NRG1: variants seen among roughly 807,000 people sequenced by gnomAD.
NRG1 encodes the protein neuregulin 1.
In NRG1, 18 loss-of-function variants were observed where a neutral mutation model predicts 63.8. The observed-to-expected ratio is 0.28, with a 90% CI of 0.19 to 0.42. The LOEUF (loss-of-function observed/expected upper bound fraction) is 0.42, where lower values mean the gene tolerates loss of function less well. NRG1 is among the 10% of genes least tolerant of loss of function. The pLI, the probability that NRG1 is intolerant of heterozygous loss-of-function variation, is 1.00. For synonymous variants in NRG1, 302 were observed against 301.3 expected, an observed-to-expected ratio of 1.00 and a Z score of -0.02; for missense variants, 762 against 814.7, an observed-to-expected ratio of 0.94 and a Z score of 0.79.
intron 1 of NRG1, among the ~76,000 whole-genome samples, chr8:32,526,903 C>T (rs923253960): frequency 6.6e-6 from 1 of 152,270 alleles, no homozygotes; most frequent in Non-Finnish European, 1.5e-5. Flanking sequence ...GTCTACAGGG[C>T]TCCATTTGTA....
exon 12 of NRG1, chr8:32,766,269 G>C (rs1477654763): frequency 6.6e-6 from 1 of 152,154 alleles, no homozygotes; most frequent in African/African-American, 2.4e-5. Flanking sequence ...GGTTCTTGAA[G>C]TTATTGTTAG....
chr8:32,065,353 C>G (rs985207530), intron 1 of NRG1, among the ~76,000 whole-genome samples: 1 of 152,148 alleles, frequency 6.6e-6, no homozygotes, highest in Non-Finnish European at 1.5e-5. Context: ...TCCCTTCCCC[C>G]TCCCACCACC....
At chr8:32,101,423 A>G (rs1041459847) in intron 1 of NRG1, among the ~76,000 whole-genome samples, 13 of 152,166 alleles carry the variant, frequency 8.5e-5, no homozygotes, top group African/African-American at 3.1e-4. Flanking sequence ...TGTTCCTTAA[A>G]GAACGAGAAG....
intron 5 of NRG1, among the ~76,000 whole-genome samples, chr8:32,698,811 C>A (rs1192333480): frequency 6.6e-6 from 1 of 152,148 alleles, no homozygotes; most frequent in African/African-American, 2.4e-5. Context: ...AACCACCCCC[C>A]ATAGAGCTGT....
Position 31,640,203 on chromosome 8 carries a change from G to C in NRG1, c.37+772G>C. The C allele has an allele frequency of 8.5e-7, 1 of 1,172,510 alleles. No individual in the cohort carries two copies. Among genetic ancestry groups the C allele is most frequent in the Non-Finnish European group, 1.1e-6 (1 of 948,478 alleles). The allele number at this position is 1,172,510 out of a possible 1,614,324, so 72.6% of individuals were successfully genotyped here. A position where few individuals can be genotyped will look rare whatever the true frequency, so the allele number is the denominator to read the frequency against. On this transcript the variant is annotated intron_variant, in intron 1 of 10. Coordinates refer to the NRG1 transcript ENST00000519301. This position sits in a 1 kb window ranked among gnomAD's most constrained non-coding sequence, Gnocchi z 6.3. ...CCCCGCCCAGCGTGGGATCGGTGCA[G>C]GAGCTAGCTCAGCGCGCCGCGGTGG...
chr8:31,799,758 G>A (rs141498934), intron 1 of NRG1, among the ~76,000 whole-genome samples: 76 of 151,842 alleles, frequency 5.0e-4, no homozygotes, highest in African/African-American at 9.9e-4. Flanking sequence ...ATATATACAC[G>A]TATGCATACA....
chr8:31,828,694 C>T (rs923268948), intron 1 of NRG1, among the ~76,000 whole-genome samples: 3 of 152,164 alleles, frequency 2.0e-5, no homozygotes, highest in African/African-American at 7.2e-5. Flanking sequence ...ACGTTATATA[C>T]CCATGATATT....
At chr8:31,959,908 C>T (rs1371839143) in intron 1 of NRG1, among the ~76,000 whole-genome samples, 2 of 151,782 alleles carry the variant, frequency 1.3e-5, no homozygotes, top group Non-Finnish European at 2.9e-5. Flanking sequence ...ATCCCTCCGC[C>T]TCAGCCTCCC....
intron 5 of NRG1, chr8:32,647,188 G>A (rs1046475757): frequency 4.4e-5 from 43 of 985,222 alleles, no homozygotes; most frequent in Admixed American, 6.1e-5. Context: ...CCGTCGTCGC[G>A]TTAACACAAC....
chr8:32,749,655 C>T, intron 7 of NRG1: 1 of 1,438,266 alleles, frequency 7.0e-7, no homozygotes, highest in Non-Finnish European at 9.6e-7. Flanking sequence ...TTTTCCCTTC[C>T]TACTCTTACC....
chr8:32,534,547 T>A (rs1831770411), intron 1 of NRG1, among the ~76,000 whole-genome samples: 1 of 152,158 alleles, frequency 6.6e-6, no homozygotes, highest in Non-Finnish European at 1.5e-5. Context: ...ACATGGAAAG[T>A]GTGATTGAAG....
intron 1 of NRG1, among the ~76,000 whole-genome samples, chr8:32,027,914 C>A (rs1817713240): frequency 6.6e-6 from 1 of 152,174 alleles, no homozygotes; most frequent in South Asian, 2.1e-4. Flanking sequence ...AGCAGCTAAA[C>A]TAAACTAACA....
At chr8:31,956,040 C>CAAAAAAAAA (rs11386219) in intron 1 of NRG1, among the ~76,000 whole-genome samples, 3 of 128,098 alleles carry the variant, frequency 2.3e-5, no homozygotes, top group African/African-American at 7.2e-5. Context: ...GAACCTGTCT[C>CAAAAAAAAA]AAAAAAAAAA....
chr8:32,534,805 G>A (rs1448044543), intron 1 of NRG1, among the ~76,000 whole-genome samples: 1 of 152,024 alleles, frequency 6.6e-6, no homozygotes, highest in East Asian at 1.9e-4. Flanking sequence ...TCTAAATTGG[G>A]CTCATTATAT....
At chr8:32,682,808 CTTAGT>C (rs1434698327) in intron 5 of NRG1, among the ~76,000 whole-genome samples, 6 of 152,102 alleles carry the variant, frequency 3.9e-5, no homozygotes, top group African/African-American at 7.2e-5. Flanking sequence ...TGCATAATAA[CTTAGT>C]TTAGAGTAAG....
intron 1 of NRG1, among the ~76,000 whole-genome samples, chr8:32,148,958 T>C (rs1837201845): frequency 6.6e-6 from 1 of 152,198 alleles, no homozygotes; most frequent in African/African-American, 2.4e-5. Flanking sequence ...ATTGGGCATC[T>C]ATCATCCAGG....
intron 1 of NRG1, among the ~76,000 whole-genome samples, chr8:31,799,327 T>A (rs1033193952): frequency 3.9e-5 from 6 of 152,148 alleles, no homozygotes; most frequent in Non-Finnish European, 8.8e-5. Context: ...TGATCAGTTT[T>A]AGGCGATACT....
intron 1 of NRG1, among the ~76,000 whole-genome samples, chr8:32,132,148 A>G (rs541096598): frequency 3.9e-4 from 60 of 152,168 alleles, no homozygotes; most frequent in Admixed American, 3.4e-3. Context: ...AGAGAGAGGT[A>G]AGGGACTACA....
At chr8:31,989,961 G>GTTAT (rs1213609219) in intron 1 of NRG1, among the ~76,000 whole-genome samples, 1 of 152,098 alleles carries the variant, frequency 6.6e-6, no homozygotes, top group African/African-American at 2.4e-5. Flanking sequence ...TATCCATACA[G>GTTAT]TTATTCTATG....
Sources: gnomAD v4.1 joint callset for allele counts (sites outside exome capture counted in the v4.1 genomes callset) on GRCh38, gnomAD v4.1.1 for gene constraint, Gnocchi (gnomAD v3.1) non-coding constraint, MANE v1.5 for transcripts, NCBI Gene and HGNC (gene_info 2026-07-23, HGNC 2026-07-21) for gene names.